The following ANO5 variants were observed in gnomAD, a reference collection of about 807,000 sequenced individuals.
ANO5 encodes the protein anoctamin-5.
A neutral mutation model predicts 121.0 loss-of-function variants in ANO5; 109 were observed. That is an observed-to-expected ratio of 0.90 (90% CI 0.77 to 1.06). The LOEUF is 1.06. Ranked by LOEUF, ANO5 falls within the 50% of genes least tolerant of loss-of-function variation. The probability of loss-of-function intolerance (pLI) is 0.00; values close to 1 mark genes in which losing one functional copy is unlikely to be tolerated. For synonymous variants in ANO5, 406 were observed against 359.9 expected (o/e 1.13, Z -1.45); for missense variants, 1,064 against 1,078.5 (o/e 0.99, Z 0.19).
At chr11:22,233,073 A>G (rs1309164682) in intron 7 of ANO5, among the ~76,000 whole-genome samples, 1 of 152,018 alleles carries the variant, frequency 6.6e-6, no homozygotes, top group Admixed American at 6.6e-5. Flanking sequence ...TGGTAATTGA[A>G]GTGTTCATCT....
intron 7 of ANO5, among the ~76,000 whole-genome samples, chr11:22,228,883 A>T (rs1013041573): frequency 2.0e-5 from 3 of 151,836 alleles, no homozygotes; most frequent in African/African-American, 7.3e-5. Context: ...TCATTCATTG[A>T]TGGACATTTA....
At chr11:22,269,325 AAAAG>A (rs56023757) in intron 17 of ANO5, among the ~76,000 whole-genome samples, 5 of 118,706 alleles carry the variant, frequency 4.2e-5, no homozygotes, top group African/African-American at 1.5e-4. Context: ...GAAGGAGAAA[AAAAG>A]AAAGAGAAGG....
chr11:22,202,583 G>C (rs1353312930), intron 1 of ANO5, among the ~76,000 whole-genome samples: 1 of 152,114 alleles, frequency 6.6e-6, no homozygotes, highest in Non-Finnish European at 1.5e-5. Context: ...TCAGTGTCTG[G>C]TAAGGGCTTG....
At position 22,280,868 on chromosome 11, in the gene ANO5, T is replaced by C. The variant is rs1485298804; in HGVS notation, c.*1103T>C. 6.6e-6 allele frequency: 1 copy of C among 152,024 alleles called. No homozygotes were observed. The highest frequency in any genetic ancestry group is 1.5e-5 in the Non-Finnish European group (1 of 67,878). 9.4% of individuals were successfully genotyped at this position (152,024 alleles called of 1,614,324 possible). A position where few individuals can be genotyped will look rare whatever the true frequency, so the allele number is the denominator to read the frequency against. On this transcript the variant is annotated 3_prime_UTR_variant, in exon 22 of 22. Transcript: ENST00000324559. Reference sequence around the variant, plus strand: ...TAGTGATTTGATGTGATGTAACATCTTAAATGTAAGCTTGTCTTAATGAAA... The same window carrying C: ...TAGTGATTTGATGTGATGTAACATCCTAAATGTAAGCTTGTCTTAATGAAA...
intron 17 of ANO5, among the ~76,000 whole-genome samples, chr11:22,268,367 G>A (rs1393170085): frequency 6.6e-6 from 1 of 151,366 alleles, no homozygotes; most frequent in Non-Finnish European, 1.5e-5. Flanking sequence ...TCTACATATA[G>A]GTCTTATAAA....
intron 9 of ANO5, among the ~76,000 whole-genome samples, chr11:22,241,858 T>G (rs546940868): frequency 3.8e-4 from 58 of 152,202 alleles, no homozygotes; most frequent in Admixed American, 6.6e-4. Flanking sequence ...CTATTGATAC[T>G]TTCTTTTGCT....
chr11:22,269,576 AAAG>A (rs1361281880), intron 17 of ANO5, among the ~76,000 whole-genome samples: 5 of 146,888 alleles, frequency 3.4e-5, no homozygotes, highest in South Asian at 4.8e-4. Flanking sequence ...GGAAAGAAAA[AAAG>A]AAAGAAAGAG....
chr11:22,227,180 C>T, intron 6 of ANO5, 122 bp from the exon 7 acceptor site: 1 of 1,377,546 alleles, frequency 7.3e-7, no homozygotes, highest in African/African-American at 1.5e-5. Flanking sequence ...CTGAAAATTT[C>T]AAAATATTGA....
At chr11:22,247,486 T>C (rs893105828) in intron 9 of ANO5, among the ~76,000 whole-genome samples, 2 of 152,144 alleles carry the variant, frequency 1.3e-5, no homozygotes, top group African/African-American at 4.8e-5. Flanking sequence ...TTTCAAGGCA[T>C]TGACAACAGG....
chr11:22,251,072 A>G (rs1853800166), intron 12 of ANO5, 61 bp downstream of exon 12: 1 of 1,454,104 alleles, frequency 6.9e-7, no homozygotes, highest in Non-Finnish European at 9.5e-7. Context: ...TTTTGCCTCC[A>G]TATAACATAT....
chr11:22,219,659 C>A (rs756633751), intron 4 of ANO5, among the ~76,000 whole-genome samples: 1 of 151,912 alleles, frequency 6.6e-6, no homozygotes, highest in Non-Finnish European at 1.5e-5. Context: ...AAGATGCTAA[C>A]GCTGTGATGA....
At position 22,272,708 on chromosome 11, in the gene ANO5, T is replaced by C. The variant is rs539286651; in HGVS notation, c.2030-76T>C. On this transcript the variant is annotated intron_variant, in intron 18 of 21. Transcript: ENST00000324559. ...GTGGATCACTCCAAAACGAAGGAAG[T>C]AGCAGGATTTGGGCAGGGTGTTCCT... is the stretch of plus-strand genomic sequence containing the variant. The C allele has an allele frequency of 4.4e-6, 6 of 1,352,178 alleles. No individual in the cohort carries two copies. The South Asian group carries it at 4.8e-5, about 11-fold the overall frequency. 83.8% of individuals were successfully genotyped at this position (1,352,178 alleles called of 1,614,324 possible). A position where few individuals can be genotyped will look rare whatever the true frequency, so the allele number is the denominator to read the frequency against.
At chr11:22,229,472 A>G (rs576823497) in intron 7 of ANO5, among the ~76,000 whole-genome samples, 1 of 152,080 alleles carries the variant, frequency 6.6e-6, no homozygotes, top group South Asian at 2.1e-4. Flanking sequence ...GGGAATAAAG[A>G]GCAAATGACA....
chr11:22,192,718 C>A (rs994554351), upstream of ANO5, among the ~76,000 whole-genome samples: 1 of 152,188 alleles, frequency 6.6e-6, no homozygotes, highest in Non-Finnish European at 1.5e-5. Flanking sequence ...AGGAGGATTC[C>A]GACAGGAGGG....
intron 14 of ANO5, 46 bp downstream of exon 14, chr11:22,257,800 T>C: frequency 6.8e-7 from 1 of 1,467,974 alleles, no homozygotes; most frequent in Non-Finnish European, 9.5e-7. Flanking sequence ...AACAGGTGAT[T>C]AAATGAGCTA....
rs193014936 is a variant in ANO5, at chr11:22,225,167, C to T, written c.295-817C>T. ...GCTTTTTTTTGTCATCAATACATTG[C>T]TTTAATAAAAGCTGGGTGGGTGGTT... On this transcript the variant is annotated intron_variant, in intron 5 of 21. Coordinates refer to ENST00000324559, the MANE Select transcript of ANO5 (RefSeq NM_213599.3). Among the ~76,000 whole-genome samples the T allele has an allele frequency of 2.3e-3, 351 of 150,944 alleles. 1 individual carries two copies. Among genetic ancestry groups the T allele is most frequent in the African/African-American group, 8.2e-3 (333 of 40,444 alleles).
At chr11:22,276,387 T>C (rs1348190784) in intron 21 of ANO5, among the ~76,000 whole-genome samples, 188 bp downstream of exon 21, 1 of 151,764 alleles carries the variant, frequency 6.6e-6, no homozygotes, top group Non-Finnish European at 1.5e-5. Context: ...TATTCACTTA[T>C]TATTGTTGAA....
chr11:22,203,987 A>G lies in ANO5; in HGVS notation c.87+137A>G, dbSNP rs74810265. The G allele has an allele frequency of 6.5e-3, 3,567 of 551,720 alleles. 15 individuals are homozygous for G. Among genetic ancestry groups the G allele is most frequent in the Non-Finnish European group, 9.7e-3 (3,041 of 313,782 alleles). 34.2% of individuals were successfully genotyped at this position (551,720 alleles called of 1,614,324 possible). ...TAATTTATTCATTTTTTAAGTAGCT[A>G]AAGCAAGTTCCATGTTCCATGCAGA... is the stretch of plus-strand genomic sequence containing the variant. On this transcript the variant is annotated intron_variant, in intron 2 of 21. Transcript: ENST00000324559.
chr11:22,275,111 T>C (rs1854787699), intron 20 of ANO5, among the ~76,000 whole-genome samples: 2 of 152,164 alleles, frequency 1.3e-5, no homozygotes, highest in South Asian at 4.1e-4. Context: ...TCAAATTGTA[T>C]ATACATTTAA....
Sources: gnomAD v4.1 joint callset for allele counts (sites outside exome capture counted in the v4.1 genomes callset) on GRCh38, gnomAD v4.1.1 for gene constraint, MANE v1.5 for transcripts, NCBI Gene and HGNC (gene_info 2026-07-23, HGNC 2026-07-21) for gene names.